ARHGEF3: variants seen among roughly 807,000 people sequenced by gnomAD.
ARHGEF3 encodes Rho guanine nucleotide exchange factor 3.
Under a neutral mutation model 63.2 loss-of-function variants are expected in ARHGEF3, and 28 were observed. The observed-to-expected ratio is 0.44, with a 90% confidence interval of 0.33 to 0.61. The LOEUF is 0.61. Ranked by LOEUF, ARHGEF3 falls within the 20% of genes least tolerant of loss-of-function variation. The probability of loss-of-function intolerance (pLI) is 0.03; values close to 1 mark genes in which losing one functional copy is unlikely to be tolerated. For missense variants in ARHGEF3, 533 were observed against 659.3 expected, an observed-to-expected ratio of 0.81 and a Z score of 2.10; for synonymous variants, 266 against 254.2, an observed-to-expected ratio of 1.05 and a Z score of -0.44.
intron 2 of ARHGEF3, among the ~76,000 whole-genome samples, chr3:56,772,214 C>A (rs2036044743): frequency 6.6e-6 from 1 of 152,152 alleles, no homozygotes; most frequent in Non-Finnish European, 1.5e-5. Flanking sequence ...GGAGAAACTG[C>A]AACAGAGTTA....
intron 2 of ARHGEF3, among the ~76,000 whole-genome samples, chr3:56,769,553 G>A (rs941577281): frequency 6.6e-6 from 1 of 152,220 alleles, no homozygotes; most frequent in Admixed American, 6.5e-5. Context: ...GGAAGCAAGA[G>A]AGAACAAATC....
chr3:56,874,795 T>C (rs1317020203), intron 4 of ARHGEF3, among the ~76,000 whole-genome samples: 1 of 152,148 alleles, frequency 6.6e-6, no homozygotes, highest in Non-Finnish European at 1.5e-5. Flanking sequence ...GTGGGGAGGC[T>C]GTGGAATCGA....
intron 4 of ARHGEF3, among the ~76,000 whole-genome samples, chr3:56,867,668 G>T (rs920904840): frequency 6.6e-6 from 1 of 151,992 alleles, no homozygotes; most frequent in South Asian, 2.1e-4. Context: ...ACAGGGTTTC[G>T]TCGTGTTGCC....
intron 4 of ARHGEF3, among the ~76,000 whole-genome samples, chr3:56,861,715 C>T (rs1334738278): frequency 6.6e-6 from 1 of 152,068 alleles, no homozygotes; most frequent in Non-Finnish European, 1.5e-5. Flanking sequence ...CTGTTCAGGG[C>T]CTTGCAGGGA....
chr3:56,781,270 CAG>C (rs1289471001), intron 1 of ARHGEF3, among the ~76,000 whole-genome samples: 6 of 147,992 alleles, frequency 4.1e-5, no homozygotes, highest in Non-Finnish European at 7.4e-5. Context: ...TTTTTTGAGA[CAG>C]AGTCTCGTTC....
At chr3:56,741,239 G>A (rs2034002728) in intron 7 of ARHGEF3, among the ~76,000 whole-genome samples, 2 of 146,762 alleles carry the variant, frequency 1.4e-5, no homozygotes, top group African/African-American at 2.5e-5. Flanking sequence ...AGGCTAGAGT[G>A]CAATGGCGCA....
At chr3:56,878,714 AT>A (rs2040672798) in intron 4 of ARHGEF3, among the ~76,000 whole-genome samples, 1 of 152,206 alleles carries the variant, frequency 6.6e-6, no homozygotes, top group South Asian at 2.1e-4. Flanking sequence ...TAAGTGATGC[AT>A]CCCCCCAAAC....
At chr3:56,922,541 A>G (rs2108369758) in intron 3 of ARHGEF3, among the ~76,000 whole-genome samples, 1 of 152,302 alleles carries the variant, frequency 6.6e-6, no homozygotes, top group African/African-American at 2.4e-5. Flanking sequence ...AGGATTTTTA[A>G]AAGTAATCTG....
chr3:56,912,766 C>A (rs1198553253), intron 3 of ARHGEF3, among the ~76,000 whole-genome samples: 1 of 152,144 alleles, frequency 6.6e-6, no homozygotes, highest in Non-Finnish European at 1.5e-5. Context: ...AAAAATTATT[C>A]TTTGTCAAGA....
intron 2 of ARHGEF3, among the ~76,000 whole-genome samples, chr3:56,975,401 G>T (rs907002040): frequency 6.6e-6 from 1 of 152,008 alleles, no homozygotes; most frequent in Admixed American, 6.6e-5. Flanking sequence ...CTGGGCAACA[G>T]AGCAAGACTC....
At chr3:56,821,045 C>G (rs1350345794) in intron 4 of ARHGEF3, among the ~76,000 whole-genome samples, 1 of 151,852 alleles carries the variant, frequency 6.6e-6, no homozygotes, top group Non-Finnish European at 1.5e-5. Flanking sequence ...TGCCTGTAAT[C>G]CCAGCTACCT....
chr3:56,924,706 CT>C (rs2042234870), intron 3 of ARHGEF3, among the ~76,000 whole-genome samples: 1 of 152,202 alleles, frequency 6.6e-6, no homozygotes, highest in Non-Finnish European at 1.5e-5. Context: ...CCAGAGGTCA[CT>C]CTCGTTGCCA....
chr3:56,743,611 T>G (rs1339669280), intron 7 of ARHGEF3, among the ~76,000 whole-genome samples: 1 of 152,230 alleles, frequency 6.6e-6, no homozygotes, highest in African/African-American at 2.4e-5. Flanking sequence ...GTTGATTTAC[T>G]AGATACTCAA....
intron 2 of ARHGEF3, among the ~76,000 whole-genome samples, chr3:57,033,181 A>C (rs56655716): frequency 0.18 from 27,494 of 152,140 alleles, 2,853 homozygotes; most frequent in East Asian, 0.4. Context: ...TTGGAGGATG[A>C]ACTGGTGATG....
intron 3 of ARHGEF3, among the ~76,000 whole-genome samples, chr3:56,902,630 T>C (rs2041551316): frequency 1.3e-5 from 2 of 152,194 alleles, no homozygotes; most frequent in African/African-American, 2.4e-5. Flanking sequence ...GAGATGACTA[T>C]AGTAGAGCAC....
At chr3:56,814,998 G>C (rs562313852) in intron 4 of ARHGEF3, among the ~76,000 whole-genome samples, 1 of 151,950 alleles carries the variant, frequency 6.6e-6, no homozygotes, top group African/African-American at 2.4e-5. Context: ...ATAACAATTA[G>C]CCAGGCACAG....
At position 57,042,692 on chromosome 3, in the gene ARHGEF3, ATATATATATT is replaced by A. The variant is rs1455888432; in HGVS notation, c.-27-7526_-27-7517del. 1.3e-4 allele frequency among the ~76,000 whole-genome samples: 3 copies of A among 23,958 alleles called. No individual in the cohort carries two copies. In the Admixed American group the frequency reaches 2.3e-3, roughly 18 times the overall value. The allele number at this position is 23,958 out of a possible 152,430, so 15.7% of individuals were successfully genotyped here. A position where few individuals can be genotyped will look rare whatever the true frequency, so the allele number is the denominator to read the frequency against. ...TATATATATATATATATATATATAT[ATATATATATT>A]TTTTTTTTTTTTTAGACGGAGTCTC... is the stretch of plus-strand genomic sequence containing the variant. On this transcript the variant is annotated intron_variant, in intron 1 of 12. Coordinates refer to the ARHGEF3 transcript ENST00000338458.
At chr3:56,973,219 G>A (rs550391239) in intron 2 of ARHGEF3, among the ~76,000 whole-genome samples, 97 of 152,076 alleles carry the variant, frequency 6.4e-4, no homozygotes, top group African/African-American at 1.8e-3. Context: ...GGGTTTCACC[G>A]TGTTAGCCAG....
intron 4 of ARHGEF3, among the ~76,000 whole-genome samples, chr3:56,848,967 C>T (rs62249816): frequency 3.9e-5 from 6 of 152,160 alleles, no homozygotes; most frequent in African/African-American, 1.4e-4. Context: ...CCGCACCTGG[C>T]CCCACTGAGG....
Sources: gnomAD v4.1 joint callset for allele counts (sites outside exome capture counted in the v4.1 genomes callset) on GRCh38, gnomAD v4.1.1 for gene constraint, MANE v1.5 for transcripts, NCBI Gene and HGNC (gene_info 2026-07-23, HGNC 2026-07-21) for gene names.